RHOBTB1: variants seen among roughly 807,000 people sequenced by gnomAD.
RHOBTB1 encodes Rho related BTB domain containing 1, also known as rho-related BTB domain-containing protein 1.
RHOBTB1 carries 40 observed loss-of-function variants against 71.6 expected under a neutral mutation model. The ratio of observed to expected loss-of-function variants is 0.56; its 90% CI spans 0.43 to 0.73. The LOEUF (loss-of-function observed/expected upper bound fraction) is 0.73. RHOBTB1 is among the 30% of genes least tolerant of loss of function. The pLI is 0.00. For synonymous variants in RHOBTB1, 319 were observed against 334.9 expected (o/e 0.95, Z 0.52); for missense variants, 797 against 894.0 (o/e 0.89, Z 1.38).
intron 1 of RHOBTB1, among the ~76,000 whole-genome samples, chr10:60,942,097 C>CA (rs1430910224): frequency 6.6e-6 from 1 of 151,624 alleles, no homozygotes; most frequent in Non-Finnish European, 1.5e-5. Context: ...GGGACGATAC[C>CA]AAAAAAACAA....
chr10:60,905,648 G>A (rs988876378), intron 4 of RHOBTB1, among the ~76,000 whole-genome samples: 4 of 151,828 alleles, frequency 2.6e-5, no homozygotes, highest in Admixed American at 1.3e-4. Context: ...TGCCCAAAGC[G>A]AGTGACTCCC....
At chr10:60,953,599 A>G (rs771429714) in intron 2 of RHOBTB1, among the ~76,000 whole-genome samples, 6 of 152,214 alleles carry the variant, frequency 3.9e-5, no homozygotes, top group Non-Finnish European at 8.8e-5. Context: ...AAAGAAATCT[A>G]TCACACCTGT....
chr10:60,898,317 A>G lies in RHOBTB1; in HGVS notation c.297-5322T>C, dbSNP rs560764268. ...GTAACTGAGGTAGGTTCTTTACAGA[A>G]ACATTTTCAAAACCATTCATGTCGA... On this transcript the variant is annotated intron_variant, in intron 4 of 10. Transcript: ENST00000337910. 6.6e-5 allele frequency among the ~76,000 whole-genome samples: 10 copies of G among 152,264 alleles called. 1 individual carries two copies. In the East Asian group the frequency reaches 1.9e-3, roughly 29 times the overall value.
chr10:60,985,311 C>T (rs2086626263), intron 2 of RHOBTB1, among the ~76,000 whole-genome samples: 1 of 152,126 alleles, frequency 6.6e-6, no homozygotes, highest in Non-Finnish European at 1.5e-5. Context: ...ATAATGTGGA[C>T]CTTTTTTCAA....
intron 2 of RHOBTB1, among the ~76,000 whole-genome samples, chr10:60,975,569 T>G (rs1052928283): frequency 2.0e-4 from 30 of 152,232 alleles, no homozygotes; most frequent in African/African-American, 7.2e-4. Flanking sequence ...ACTGACTAAG[T>G]GCTGTGCTGA....
At chr10:60,987,252 C>T (rs145692976) in intron 1 of RHOBTB1, among the ~76,000 whole-genome samples, 1 of 152,334 alleles carries the variant, frequency 6.6e-6, no homozygotes, top group African/African-American at 2.4e-5. Context: ...TCTGGCTTCT[C>T]TTCTGCCTTC....
At chr10:60,966,851 C>T (rs2085980199) in intron 2 of RHOBTB1, among the ~76,000 whole-genome samples, 1 of 148,298 alleles carries the variant, frequency 6.7e-6, no homozygotes, top group Non-Finnish European at 1.5e-5. Context: ...CCCCACCCCA[C>T]AACAGGCCCC....
chr10:60,895,004 T>C (rs949382752), intron 4 of RHOBTB1, among the ~76,000 whole-genome samples: 1 of 152,158 alleles, frequency 6.6e-6, no homozygotes, highest in African/African-American at 2.4e-5. Flanking sequence ...CACATACTAG[T>C]TGCTATCCAG....
chr10:60,892,982 C>T lies in RHOBTB1; in HGVS notation c.310G>A (p.Val104Ile). 1 of 1,612,906 alleles carries T rather than the reference C, an allele frequency of 6.2e-7. No homozygotes were observed. The highest frequency in any genetic ancestry group is 1.7e-4 in the Middle Eastern group (1 of 6,054). ...GGATTAGCAATCGAAAAACAGAGGA[C>T]CACAACATCAGACCTAAAAGGAAAT... is the stretch of plus-strand genomic sequence containing the variant. ...RFAYGRSDVVVLCFSIANPNS... is the reference protein window; with the variant it reads ...RFAYGRSDVVILCFSIANPNS... Residue 104 changes from valine to isoleucine, a missense_variant, in exon 5 of 11, where the codon GTC (valine) becomes ATC (isoleucine). Coordinates refer to ENST00000337910, the MANE Select transcript of RHOBTB1 (RefSeq NM_014836.5).
At chr10:60,963,764 A>G (rs1012118960) in intron 2 of RHOBTB1, among the ~76,000 whole-genome samples, 10 of 152,192 alleles carry the variant, frequency 6.6e-5, no homozygotes, top group Non-Finnish European at 1.5e-4. Flanking sequence ...ACCTGTATCA[A>G]GTAATTTAGT....
rs1389469817 is a variant in RHOBTB1, at chr10:60,888,420, C to T, written c.1248G>A (p.Gln416=). The T allele has an allele frequency of 6.2e-7, 1 of 1,614,180 alleles. No individual in the cohort carries two copies. The highest frequency in any genetic ancestry group is 8.5e-7 in the Non-Finnish European group (1 of 1,180,024). Residue 416 remains glutamine, a synonymous_variant, in exon 6 of 11, where the codon CAG becomes CAA. Coordinates refer to ENST00000337910, the MANE Select transcript of RHOBTB1 (RefSeq NM_014836.5). ...CATCCAGTTGTCCCGTATAAAGAAACTGGAGCAGGGTCCGAAAAGGGCCTG... is the reference window on the plus strand; with the variant it reads ...CATCCAGTTGTCCCGTATAAAGAAATTGGAGCAGGGTCCGAAAAGGGCCTG... ...VQPGPFRTLL[Q]FLYTGQLDEK...
chr10:60,870,131 GCTCT>G lies in RHOBTB1; in HGVS notation c.*1347_*1350del, dbSNP rs1251964978. The G allele has an allele frequency of 5.2e-5, 8 of 152,648 alleles. No homozygotes were observed. Among genetic ancestry groups the G allele is most frequent in the Non-Finnish European group, 1.0e-4 (7 of 68,028 alleles). 9.5% of individuals were successfully genotyped at this position (152,648 alleles called of 1,614,324 possible). Reference sequence around the variant, plus strand: ...AGGTGTGGAGCTGTGGCCTTGAAATGCTCTCTGTGTGTGTATGTGTGTGCTGTAA... The same window carrying G: ...AGGTGTGGAGCTGTGGCCTTGAAATGCTGTGTGTGTATGTGTGTGCTGTAA... On this transcript the variant is annotated 3_prime_UTR_variant, in exon 11 of 11. Transcript: ENST00000337910.
chr10:60,892,291 C>T (rs1222664641), intron 5 of RHOBTB1, among the ~76,000 whole-genome samples: 1 of 152,064 alleles, frequency 6.6e-6, no homozygotes, highest in African/African-American at 2.4e-5. Context: ...GTTTGTTTTG[C>T]AACTATAGGT....
At position 60,888,734 on chromosome 10, in the gene RHOBTB1, C is replaced by T. The variant is rs370757581; in HGVS notation, c.934G>A (p.Glu312Lys). 3.7e-6 allele frequency: 6 copies of T among 1,614,096 alleles called. No homozygotes were observed. The African/African-American group carries it at 6.7e-5, about 18-fold the overall frequency. Reference protein sequence around the residue: ...ESPNGSEGACEKEKQSRDFQG... With the variant: ...ESPNGSEGACKKEKQSRDFQG... Reference sequence around the variant, plus strand: ...AAATCTCTGCTCTGCTTCTCTTTCTCACAGGCTCCTTCACTCCCATTTGGG... The same window carrying T: ...AAATCTCTGCTCTGCTTCTCTTTCTTACAGGCTCCTTCACTCCCATTTGGG... Residue 312 changes from glutamate to lysine, a missense_variant, in exon 6 of 11, where the codon GAG (glutamate) becomes AAG (lysine). This residue lies in a region of RHOBTB1 where 658 missense variants were observed against 681.5 expected (regional missense o/e 0.97). Transcript: ENST00000337910.
chr10:60,914,921 G>A (rs538413488), intron 2 of RHOBTB1, among the ~76,000 whole-genome samples: 1 of 152,264 alleles, frequency 6.6e-6, no homozygotes, highest in East Asian at 1.9e-4. Flanking sequence ...TAATATGTAA[G>A]GGAAAATAAA....
intron 2 of RHOBTB1, among the ~76,000 whole-genome samples, chr10:60,978,815 G>A (rs1157528123): frequency 2.0e-5 from 3 of 151,986 alleles, no homozygotes; most frequent in Non-Finnish European, 4.4e-5. Flanking sequence ...AATCCACTCA[G>A]CACATTTTTA....
chr10:60,865,433 A>T (rs533687629), downstream of RHOBTB1, among the ~76,000 whole-genome samples: 1 of 152,228 alleles, frequency 6.6e-6, no homozygotes, highest in Non-Finnish European at 1.5e-5. Flanking sequence ...ACATGATTAA[A>T]TCAAGCTAGG....
At chr10:60,912,185 A>AC (rs2083014338) in intron 2 of RHOBTB1, among the ~76,000 whole-genome samples, 1 of 147,230 alleles carries the variant, frequency 6.8e-6, no homozygotes, top group African/African-American at 2.6e-5. Context: ...CATAATTCAT[A>AC]AATATATATG....
At chr10:60,868,361 G>T (rs759104315), downstream of RHOBTB1, among the ~76,000 whole-genome samples, 6 of 151,884 alleles carry the variant, frequency 4.0e-5, no homozygotes, top group Non-Finnish European at 7.4e-5. Context: ...CCAATTCATG[G>T]AAAGGGCGGA....
Sources: gnomAD v4.1 joint callset for allele counts (sites outside exome capture counted in the v4.1 genomes callset) on GRCh38, gnomAD v4.1.1 for gene constraint, gnomAD v4.1.1 regional missense constraint, MANE v1.5 for transcripts, NCBI Gene and HGNC (gene_info 2026-07-23, HGNC 2026-07-21) for gene names.